SRGAP2C: variants seen among roughly 807,000 people sequenced by gnomAD.
The protein encoded by SRGAP2C is SLIT-ROBO Rho GTPase-activating protein 2C.
SRGAP2C carries 15 observed loss-of-function variants against 25.1 expected under a neutral mutation model. That is an observed-to-expected ratio of 0.60 (90% CI 0.40 to 0.92). The LOEUF is 0.92. Among genes scored for constraint, SRGAP2C ranks in the 40% least tolerant of loss-of-function variants. The pLI is 0.00. For synonymous variants in SRGAP2C, 44 were observed against 96.6 expected (o/e 0.46, Z 3.19); for missense variants, 144 against 264.4 (o/e 0.54, Z 3.16).
chr1:121,210,309 C>T (rs1570707002), intron 2 of SRGAP2C, among the ~76,000 whole-genome samples: 2 of 96,828 alleles, frequency 2.1e-5, no homozygotes, highest in Non-Finnish European at 2.1e-5. Context: ...GTAATTCCAT[C>T]AGCGCTTTAA....
intron 4 of SRGAP2C, among the ~76,000 whole-genome samples, chr1:121,326,317 G>T (rs1479884473): frequency 4.0e-5 from 3 of 74,410 alleles, no homozygotes; most frequent in Non-Finnish European, 7.7e-5. Flanking sequence ...GCCTTAGAAG[G>T]TTAGAGAAAA....
intron 2 of SRGAP2C, among the ~76,000 whole-genome samples, chr1:121,237,492 C>G (rs1368192410): frequency 3.3e-5 from 5 of 151,960 alleles, no homozygotes; most frequent in African/African-American, 1.2e-4. Context: ...AATTTATAGT[C>G]TATTATTTCT....
At chr1:121,309,574 T>A (rs2101594516) in intron 3 of SRGAP2C, among the ~76,000 whole-genome samples, 1 of 151,324 alleles carries the variant, frequency 6.6e-6, no homozygotes, top group African/African-American at 2.4e-5. Context: ...CCCTCCCCAC[T>A]CCCCCAACCC....
chr1:121,362,343 C>A (rs1331026274), intron 4 of SRGAP2C: 1 of 148,890 alleles, frequency 6.7e-6, no homozygotes, highest in East Asian at 2.0e-4. Context: ...ATTCCCAGCC[C>A]AACCCTCAGC....
chr1:121,265,761 G>A (rs1353189400), intron 2 of SRGAP2C, among the ~76,000 whole-genome samples: 7 of 151,434 alleles, frequency 4.6e-5, no homozygotes, highest in South Asian at 2.1e-4. Flanking sequence ...CAGTTACAAA[G>A]CCAATTTGGA....
At chr1:121,385,016 C>G (rs1467364820) in intron 8 of SRGAP2C, among the ~76,000 whole-genome samples, 1 of 152,210 alleles carries the variant, frequency 6.6e-6, no homozygotes, top group East Asian at 1.9e-4. Context: ...TCTAGCCTAG[C>G]CTTCATATGA....
chr1:121,338,589 C>A lies in SRGAP2C; in HGVS notation c.423+13949C>A, dbSNP rs1294306548. Among the ~76,000 whole-genome samples the A allele has an allele frequency of 1.0e-4, 13 of 128,678 alleles. No homozygotes were observed. In the East Asian group the frequency reaches 2.5e-3, roughly 25 times the overall value. The allele number at this position is 128,678 out of a possible 152,430, so 84.4% of individuals were successfully genotyped here. A position where few individuals can be genotyped will look rare whatever the true frequency, so the allele number is the denominator to read the frequency against. On this transcript the variant is annotated intron_variant, in intron 4 of 9. Transcript: ENST00000367123. ...TTTTTTTTTCCTTTTTCTCTGTTCT[C>A]TACAAATCATTTGGGTCTACATCCA...
At chr1:121,270,880 C>T (rs1221972165) in intron 2 of SRGAP2C, among the ~76,000 whole-genome samples, 29 of 150,790 alleles carry the variant, frequency 1.9e-4, no homozygotes, top group African/African-American at 6.8e-4. Flanking sequence ...GCAAGCTCCG[C>T]CTCCCGGGTT....
At position 121,365,750 on chromosome 1, in the gene SRGAP2C, G is replaced by A. The variant is rs587762626; in HGVS notation, c.486+395G>A. ...TGTCGGAAAGGCTTTATTGTTCTAG[G>A]TTTTTCATCAGATCTTGGATTGATG... is the stretch of plus-strand genomic sequence containing the variant. On this transcript the variant is annotated intron_variant, in intron 5 of 9. Coordinates refer to ENST00000367123, the MANE Select transcript of SRGAP2C (RefSeq NM_001329984.2). 3.3e-5 allele frequency among the ~76,000 whole-genome samples: 3 copies of A among 91,468 alleles called. No individual in the cohort carries two copies. In the South Asian group the frequency reaches 9.3e-4, roughly 28 times the overall value. The allele number at this position is 91,468 out of a possible 152,430, so 60.0% of individuals were successfully genotyped here. A position where few individuals can be genotyped will look rare whatever the true frequency, so the allele number is the denominator to read the frequency against.
At chr1:121,323,484 C>T (rs1658252664) in intron 3 of SRGAP2C, among the ~76,000 whole-genome samples, 1 of 141,720 alleles carries the variant, frequency 7.1e-6, no homozygotes, top group African/African-American at 2.6e-5. Context: ...GGCGTGGTGG[C>T]AGGTGCCTAT....
intron 3 of SRGAP2C, among the ~76,000 whole-genome samples, chr1:121,286,072 C>T (rs1290947348): frequency 6.6e-6 from 1 of 152,100 alleles, no homozygotes; most frequent in East Asian, 1.9e-4. Flanking sequence ...GCCATCCTGG[C>T]CCCCATGCAG....
chr1:121,277,398 A>G (rs1480070740), intron 2 of SRGAP2C, among the ~76,000 whole-genome samples: 1 of 151,688 alleles, frequency 6.6e-6, no homozygotes, highest in Non-Finnish European at 1.5e-5. Flanking sequence ...TTTCTTTTTT[A>G]TGTATCTTTT....
At chr1:121,243,993 T>TTGG (rs1656179856) in intron 2 of SRGAP2C, among the ~76,000 whole-genome samples, 1 of 146,612 alleles carries the variant, frequency 6.8e-6, no homozygotes, top group African/African-American at 2.6e-5. Context: ...TTGGGAAGCA[T>TTGG]ATTGACAGTA....
chr1:121,357,392 TC>T lies in SRGAP2C; in HGVS notation c.424-7900del, dbSNP rs1380006692. Reference sequence around the variant, plus strand: ...ATCCTAGTTGTACAGCCAAGAAGGATCTTTTCTGTTTAATCTATCTGGAGGA... The same window carrying T: ...ATCCTAGTTGTACAGCCAAGAAGGATTTTTCTGTTTAATCTATCTGGAGGA... On this transcript the variant is annotated intron_variant, in intron 4 of 9. Transcript: ENST00000367123. 2.1e-5 allele frequency among the ~76,000 whole-genome samples: 3 copies of T among 143,490 alleles called. No individual in the cohort carries two copies. The East Asian group carries it at 6.3e-4, about 30-fold the overall frequency. 94.1% of individuals were successfully genotyped at this position (143,490 alleles called of 152,430 possible). A position where few individuals can be genotyped will look rare whatever the true frequency, so the allele number is the denominator to read the frequency against.
chr1:121,285,071 C>T (rs1248074206), intron 3 of SRGAP2C, 76 bp downstream of exon 3: 8 of 572,426 alleles, frequency 1.4e-5, no homozygotes, highest in East Asian at 1.3e-4. Flanking sequence ...GGGTATGCCA[C>T]TTAGATCCAG....
intron 2 of SRGAP2C, among the ~76,000 whole-genome samples, chr1:121,273,886 G>A (rs28486029): frequency 2.0e-5 from 3 of 151,854 alleles, no homozygotes; most frequent in Admixed American, 1.3e-4. Flanking sequence ...TCACGCAGCA[G>A]GGGTAGAAGG....
At chr1:121,326,781 C>T (rs1313576163) in intron 4 of SRGAP2C, among the ~76,000 whole-genome samples, 2 of 89,400 alleles carry the variant, frequency 2.2e-5, no homozygotes, top group African/African-American at 8.2e-5. Flanking sequence ...CACCCTAAAT[C>T]CCCCAGGATA....
intron 2 of SRGAP2C, among the ~76,000 whole-genome samples, chr1:121,210,277 T>C (rs1308172536): frequency 6.6e-6 from 1 of 150,472 alleles, no homozygotes; most frequent in African/African-American, 2.5e-5. Flanking sequence ...GAATGACATA[T>C]GTATGCTGGT....
At chr1:121,196,471 G>C (rs1654832730) in intron 2 of SRGAP2C, among the ~76,000 whole-genome samples, 1 of 83,660 alleles carries the variant, frequency 1.2e-5, no homozygotes, top group Admixed American at 1.1e-4. Flanking sequence ...TGGAATATTT[G>C]TATTTCATTC....
Sources: allele counts gnomAD v4.1 joint callset (sites outside exome capture counted in the v4.1 genomes callset), GRCh38; gene constraint gnomAD v4.1.1; transcripts MANE v1.5; gene names NCBI Gene and HGNC (gene_info 2026-07-23, HGNC 2026-07-21).